Variants in COL8A1 observed in about 807,000 individuals in gnomAD.
The protein encoded by COL8A1 is collagen alpha-1(VIII) chain.
COL8A1 carries 21 observed loss-of-function variants against 42.7 expected under a neutral mutation model. The observed-to-expected ratio is 0.49, with a 90% CI of 0.35 to 0.71. The LOEUF is 0.71. Ranked by LOEUF, COL8A1 falls within the 30% of genes least tolerant of loss-of-function variation. COL8A1 has a pLI of 0.01. For synonymous variants in COL8A1, 367 were observed against 369.1 expected, an observed-to-expected ratio of 0.99 and a Z score of 0.06; for missense variants, 788 against 962.4, an observed-to-expected ratio of 0.82 and a Z score of 2.40.
chr3:99,664,590 C>A (rs549946507), intron 1 of COL8A1, among the ~76,000 whole-genome samples: 11 of 152,226 alleles, frequency 7.2e-5, no homozygotes, highest in Non-Finnish European at 1.6e-4. Flanking sequence ...CTCCTCCTCC[C>A]AGCTCAGTGC....
chr3:99,646,746 C>A (rs16841576), intron 1 of COL8A1, among the ~76,000 whole-genome samples: 3,675 of 152,020 alleles, frequency 0.024, 147 homozygotes, highest in African/African-American at 0.08. Flanking sequence ...CTCAAAAGGC[C>A]AAACAAGATC....
At chr3:99,655,527 A>G (rs180890079) in intron 1 of COL8A1, among the ~76,000 whole-genome samples, 10 of 152,348 alleles carry the variant, frequency 6.6e-5, no homozygotes, top group Admixed American at 1.3e-4. Flanking sequence ...AGCATTCAGT[A>G]AACGCTCATT....
chr3:99,759,013 T>C (rs1455808555), intron 2 of COL8A1, among the ~76,000 whole-genome samples: 5 of 152,100 alleles, frequency 3.3e-5, no homozygotes, highest in Admixed American at 6.6e-5. Context: ...ATGGCTGGCT[T>C]CTTTCAGCTG....
intron 1 of COL8A1, among the ~76,000 whole-genome samples, chr3:99,669,136 T>G (rs771206030): frequency 4.0e-5 from 5 of 124,740 alleles, no homozygotes; most frequent in Admixed American, 8.8e-5. Flanking sequence ...TATATATATA[T>G]ATATATATAT....
At chr3:99,691,522 G>C (rs541434646) in intron 1 of COL8A1, 1 of 151,952 alleles carries the variant, frequency 6.6e-6, no homozygotes, top group Non-Finnish European at 1.5e-5. Context: ...AAGAAATGTA[G>C]AAACTCAGGC....
At chr3:99,648,040 A>T (rs549073726) in intron 1 of COL8A1, among the ~76,000 whole-genome samples, 1 of 152,360 alleles carries the variant, frequency 6.6e-6, no homozygotes, top group East Asian at 1.9e-4. Flanking sequence ...ATTCAAACAC[A>T]TCATTAATGG....
intron 1 of COL8A1, among the ~76,000 whole-genome samples, chr3:99,682,046 T>C (rs537872713): frequency 2.6e-5 from 4 of 152,290 alleles, no homozygotes; most frequent in African/African-American, 9.6e-5. Flanking sequence ...AGGGAAACTA[T>C]TGAATTTAAC....
chr3:99,679,000 C>A (rs1331591711), intron 1 of COL8A1: 1 of 152,162 alleles, frequency 6.6e-6, no homozygotes, highest in African/African-American at 2.4e-5. Flanking sequence ...CACACATACT[C>A]ACTCTATCCA....
chr3:99,684,858 A>T (rs969789709), intron 1 of COL8A1, among the ~76,000 whole-genome samples: 5 of 152,128 alleles, frequency 3.3e-5, no homozygotes, highest in African/African-American at 1.2e-4. Context: ...AAGAAATGGA[A>T]ATATTTTTGG....
intron 2 of COL8A1, among the ~76,000 whole-genome samples, chr3:99,768,149 C>A (rs1218992522): frequency 6.6e-6 from 1 of 152,194 alleles, no homozygotes; most frequent in Admixed American, 6.5e-5. Context: ...GTCCTACATT[C>A]CTGGATAAGG....
chr3:99,707,686 A>T (rs1939720244), intron 1 of COL8A1, among the ~76,000 whole-genome samples: 2 of 152,242 alleles, frequency 1.3e-5, no homozygotes, highest in African/African-American at 4.8e-5. Context: ...CAGAGACAAA[A>T]CTGCAGAAAG....
chr3:99,639,261 A>G (rs1937455716), intron 1 of COL8A1, among the ~76,000 whole-genome samples: 1 of 152,214 alleles, frequency 6.6e-6, no homozygotes, highest in South Asian at 2.1e-4. Flanking sequence ...CCAAATTCAC[A>G]AGCCAGGGTA....
intron 1 of COL8A1, among the ~76,000 whole-genome samples, chr3:99,663,102 A>C (rs1436081164): frequency 6.6e-6 from 1 of 152,234 alleles, no homozygotes; most frequent in Non-Finnish European, 1.5e-5. Flanking sequence ...AGTATTCCTC[A>C]ACAGAGTCAA....
chr3:99,651,592 A>G (rs763298063), intron 1 of COL8A1, among the ~76,000 whole-genome samples: 8 of 152,256 alleles, frequency 5.3e-5, no homozygotes. Flanking sequence ...CAGGCCAACC[A>G]TGCAATAAAA....
At chr3:99,639,049 C>T (rs1937451089) in intron 1 of COL8A1, among the ~76,000 whole-genome samples, 1 of 152,156 alleles carries the variant, frequency 6.6e-6, no homozygotes, top group East Asian at 1.9e-4. Flanking sequence ...TAAAAGAACA[C>T]AGTTAACTTC....
intron 1 of COL8A1, among the ~76,000 whole-genome samples, chr3:99,737,928 T>C (rs1334477017): frequency 6.6e-6 from 1 of 151,324 alleles, no homozygotes; most frequent in Non-Finnish European, 1.5e-5. Flanking sequence ...CTCATTTCTT[T>C]TTATTCTTTT....
chr3:99,747,935 A>G (rs1018220380), intron 2 of COL8A1, among the ~76,000 whole-genome samples: 3 of 152,206 alleles, frequency 2.0e-5, no homozygotes, highest in African/African-American at 7.2e-5. Flanking sequence ...TCTCCTACCA[A>G]CTTGGAATGT....
intron 1 of COL8A1, among the ~76,000 whole-genome samples, chr3:99,662,028 A>G (rs939535638): frequency 6.6e-6 from 1 of 152,184 alleles, no homozygotes; most frequent in Non-Finnish European, 1.5e-5. Context: ...AGAGTTCTGG[A>G]GCTTGGTTGC....
intron 1 of COL8A1, chr3:99,685,671 T>G: frequency 6.6e-6 from 1 of 152,336 alleles, no homozygotes; most frequent in East Asian, 1.9e-4. Flanking sequence ...TGATTTTGTT[T>G]TCAATCCATA....
Sources: allele counts gnomAD v4.1 joint callset (sites outside exome capture counted in the v4.1 genomes callset), GRCh38; gene constraint gnomAD v4.1.1; transcripts MANE v1.5; gene names NCBI Gene and HGNC (gene_info 2026-07-23, HGNC 2026-07-21).